The following GLRX3 variants were observed in gnomAD, a reference collection of about 807,000 sequenced individuals.
GLRX3 encodes the protein glutaredoxin-3.
GLRX3 carries 22 observed loss-of-function variants against 49.5 expected under a neutral mutation model. That is an observed-to-expected ratio of 0.44 (90% CI 0.32 to 0.63). The LOEUF (loss-of-function observed/expected upper bound fraction) is 0.63. Ranked by LOEUF, GLRX3 falls within the 30% of genes least tolerant of loss-of-function variation. The pLI, the probability that GLRX3 is intolerant of heterozygous loss-of-function variation, is 0.05. For synonymous variants in GLRX3, 133 were observed against 140.0 expected (o/e 0.95, Z 0.35); for missense variants, 385 against 396.3 (o/e 0.97, Z 0.24).
intron 1 of GLRX3, among the ~76,000 whole-genome samples, chr10:130,142,797 C>T (rs1180270957): frequency 2.4e-5 from 3 of 123,242 alleles, no homozygotes; most frequent in Admixed American, 7.8e-5. Context: ...TCTTCCAGTA[C>T]CGCCTAGGAC....
chr10:130,175,214 AT>A (rs3215792), intron 10 of GLRX3, 125 bp downstream of exon 10: 77,908 of 678,532 alleles, frequency 0.11, 5,145 homozygotes, highest in South Asian at 0.13. Flanking sequence ...ACTCTCAGAC[AT>A]TTCTAGACCA....
downstream of GLRX3, among the ~76,000 whole-genome samples, chr10:130,179,905 A>G (rs1193449419): frequency 2.0e-4 from 31 of 152,218 alleles, no homozygotes. Context: ...TTGCAGAGGC[A>G]GTGTAGGATG....
At chr10:130,137,913 T>A (rs1590053632) in intron 1 of GLRX3, among the ~76,000 whole-genome samples, 1 of 152,028 alleles carries the variant, frequency 6.6e-6, no homozygotes, top group East Asian at 1.9e-4. Context: ...TTTTATTTTT[T>A]TTTATAGAGA....
At chr10:130,176,665 G>A (rs1862926135) in intron 10 of GLRX3, among the ~76,000 whole-genome samples, 1 of 152,114 alleles carries the variant, frequency 6.6e-6, no homozygotes, top group Admixed American at 6.5e-5. Context: ...CACTCCTGGA[G>A]GAAAAAATTT....
At chr10:130,136,657 C>G in intron 1 of GLRX3, 145 bp downstream of exon 1, 1 of 1,030,016 alleles carries the variant, frequency 9.7e-7, no homozygotes, top group Non-Finnish European at 1.2e-6. Flanking sequence ...CGGCGCCACC[C>G]GTAGACTCCC....
At chr10:130,167,912 G>A (rs889315275) in intron 6 of GLRX3, among the ~76,000 whole-genome samples, 13 of 152,048 alleles carry the variant, frequency 8.5e-5, no homozygotes, top group African/African-American at 2.9e-4. Flanking sequence ...GACTCTGGGC[G>A]TCTTCATGTG....
intron 2 of GLRX3, among the ~76,000 whole-genome samples, chr10:130,150,905 G>A (rs558439645): frequency 3.3e-5 from 5 of 151,622 alleles, no homozygotes; most frequent in Non-Finnish European, 7.4e-5. Context: ...CTAAAAATGC[G>A]TCTCAGATAA....
At chr10:130,148,628 A>G (rs908019911) in intron 2 of GLRX3, among the ~76,000 whole-genome samples, 31 of 151,978 alleles carry the variant, frequency 2.0e-4, no homozygotes, top group African/African-American at 7.0e-4. Flanking sequence ...GGAGCTGGTA[A>G]AAATAGAGTT....
intron 1 of GLRX3, among the ~76,000 whole-genome samples, chr10:130,140,725 AC>A (rs1862157344): frequency 6.6e-6 from 1 of 152,086 alleles, no homozygotes; most frequent in Non-Finnish European, 1.5e-5. Flanking sequence ...TTGGTAACCT[AC>A]TTTAATTTTT....
chr10:130,151,286 T>TA (rs1564990440), intron 2 of GLRX3, among the ~76,000 whole-genome samples: 2 of 152,272 alleles, frequency 1.3e-5, no homozygotes, highest in Admixed American at 6.5e-5. Context: ...TCTTGGTAAT[T>TA]AAAAAAACCC....
At chr10:130,164,612 A>G (rs76481809) in intron 4 of GLRX3, among the ~76,000 whole-genome samples, 1,837 of 152,294 alleles carry the variant, frequency 0.012, 33 homozygotes, top group Middle Eastern at 0.024. Flanking sequence ...CTACATTTAA[A>G]TATTTTTATT....
intron 2 of GLRX3, among the ~76,000 whole-genome samples, chr10:130,145,549 C>G (rs1220218735): frequency 6.6e-6 from 1 of 151,942 alleles, no homozygotes; most frequent in Admixed American, 6.6e-5. Context: ...ATAATCCCAG[C>G]TATGTGGGAG....
Position 130,166,953 on chromosome 10 carries a change from G to T in GLRX3, c.686G>T (p.Cys229Phe), listed in dbSNP as rs765398739. 1.3e-6 allele frequency: 2 copies of T among 1,595,586 alleles called. No homozygotes were observed. The highest frequency in any genetic ancestry group is 1.7e-5 in the Admixed American group (1 of 57,222). Residue 229 changes from cysteine to phenylalanine, a missense_variant, in exon 6 of 11, where the codon TGT becomes TTT. Cys to Phe is a radical substitution (Grantham distance 205). Around this residue, in one of 2 missense-constraint regions of GLRX3, gnomAD observed 374 missense variants for 358.6 expected, o/e 1.04. Transcript: ENST00000331244. Reference sequence around the variant, plus strand: ...GCATCTGAAGAACTAGATACAATTTGTCCCAAAGCTCCCAAATTAGAGGAA... The same window carrying T: ...GCATCTGAAGAACTAGATACAATTTTTCCCAAAGCTCCCAAATTAGAGGAA... ...LEASEELDTI[C>F]PKAPKLEERL...
intron 1 of GLRX3, among the ~76,000 whole-genome samples, chr10:130,137,140 T>G (rs1416003307): frequency 6.6e-6 from 1 of 152,246 alleles, no homozygotes; most frequent in Non-Finnish European, 1.5e-5. Flanking sequence ...GTCTTCAGAC[T>G]TAACCTGTTG....
intron 1 of GLRX3, among the ~76,000 whole-genome samples, chr10:130,139,273 C>T (rs965910614): frequency 2.0e-4 from 30 of 152,066 alleles, no homozygotes; most frequent in African/African-American, 6.5e-4. Context: ...TTCAAACGGA[C>T]ACGTGATAAA....
At chr10:130,145,149 C>A in intron 1 of GLRX3, 62 bp from the exon 2 acceptor site, 1 of 632,422 alleles carries the variant, frequency 1.6e-6, no homozygotes, top group Non-Finnish European at 2.8e-6. Flanking sequence ...TAATTTATAT[C>A]AGTATTTGTG....
At chr10:130,154,793 C>G (rs1000817480) in intron 2 of GLRX3, among the ~76,000 whole-genome samples, 6 of 151,998 alleles carry the variant, frequency 3.9e-5, no homozygotes, top group Non-Finnish European at 8.8e-5. Context: ...AGTCTAGGCA[C>G]TGAGGATACA....
chr10:130,175,973 G>A (rs566895426), intron 10 of GLRX3, among the ~76,000 whole-genome samples: 3 of 152,334 alleles, frequency 2.0e-5, no homozygotes, highest in South Asian at 2.1e-4. Context: ...AAACTGCCCC[G>A]AAAAGTGGGT....
intron 10 of GLRX3, among the ~76,000 whole-genome samples, chr10:130,178,215 A>G (rs1416354769): frequency 6.6e-6 from 1 of 152,068 alleles, no homozygotes; most frequent in Non-Finnish European, 1.5e-5. Context: ...CAAGCATCAT[A>G]TTTGAGTAGA....
Sources: gnomAD v4.1 joint callset for allele counts (sites outside exome capture counted in the v4.1 genomes callset) on GRCh38, gnomAD v4.1.1 for gene constraint, gnomAD v4.1.1 regional missense constraint, MANE v1.5 for transcripts, NCBI Gene and HGNC (gene_info 2026-07-23, HGNC 2026-07-21) for gene names.